The following TTC29 variants were observed in gnomAD, a reference collection of about 807,000 sequenced individuals.
The protein encoded by TTC29 is tetratricopeptide repeat domain 29, also known as tetratricopeptide repeat protein 29.
In TTC29, 49 loss-of-function variants were observed where a neutral mutation model predicts 58.1. That is an observed-to-expected ratio of 0.84 (90% CI 0.67 to 1.07). The LOEUF (loss-of-function observed/expected upper bound fraction) is 1.07. Among genes scored for constraint, TTC29 ranks in the 50% least tolerant of loss-of-function variants. The probability of loss-of-function intolerance (pLI) is 0.00; values close to 1 mark genes in which losing one functional copy is unlikely to be tolerated. For synonymous variants in TTC29, 209 were observed against 196.8 expected, an observed-to-expected ratio of 1.06 and a Z score of -0.52; for missense variants, 582 against 555.6, an observed-to-expected ratio of 1.05 and a Z score of -0.48.
chr4:146,810,715 C>T (rs1037559035), intron 10 of TTC29, among the ~76,000 whole-genome samples: 13 of 151,448 alleles, frequency 8.6e-5, no homozygotes, highest in Non-Finnish European at 1.5e-4. Context: ...CTCAGCCTCC[C>T]GAGTAGCTGG....
intron 11 of TTC29, among the ~76,000 whole-genome samples, chr4:146,710,055 C>T (rs927112221): frequency 2.6e-5 from 4 of 152,112 alleles, no homozygotes; most frequent in African/African-American, 9.7e-5. Flanking sequence ...TTAGTTAAAG[C>T]CATGTGACTA....
chr4:146,754,882 T>G (rs537938594), intron 11 of TTC29, among the ~76,000 whole-genome samples: 2 of 152,056 alleles, frequency 1.3e-5, no homozygotes, highest in African/African-American at 4.8e-5. Flanking sequence ...TTTAACATAG[T>G]ATTGGAAGTA....
intron 11 of TTC29, among the ~76,000 whole-genome samples, chr4:146,762,137 A>G (rs528304744): frequency 6.6e-6 from 1 of 151,734 alleles, no homozygotes; most frequent in Admixed American, 6.6e-5. Context: ...TAGGGCTTTG[A>G]CTGCTTGAAA....
At chr4:146,805,642 T>C (rs1362720940) in intron 10 of TTC29, among the ~76,000 whole-genome samples, 1 of 151,588 alleles carries the variant, frequency 6.6e-6, no homozygotes, top group Non-Finnish European at 1.5e-5. Context: ...ATATCAGGGA[T>C]TGAAGATCAA....
chr4:146,831,700 C>T (rs769207059), intron 9 of TTC29: 7 of 449,330 alleles, frequency 1.6e-5, no homozygotes, highest in African/African-American at 8.0e-5. Flanking sequence ...TTGACTGAAT[C>T]GACCAGGAAT....
At chr4:146,891,890 C>T (rs1732390035) in intron 6 of TTC29, among the ~76,000 whole-genome samples, 2 of 152,106 alleles carry the variant, frequency 1.3e-5, no homozygotes, top group Admixed American at 6.6e-5. Flanking sequence ...TCAAGTGGAA[C>T]TGGGTGAGAG....
At chr4:146,783,368 G>A (rs903890508) in intron 11 of TTC29, among the ~76,000 whole-genome samples, 1 of 150,508 alleles carries the variant, frequency 6.6e-6, no homozygotes, top group Non-Finnish European at 1.5e-5. Flanking sequence ...TGAAAACTTA[G>A]CCTCTATGTA....
chr4:146,856,439 A>C (rs1729860630), intron 8 of TTC29, among the ~76,000 whole-genome samples: 1 of 152,020 alleles, frequency 6.6e-6, no homozygotes, highest in South Asian at 2.1e-4. Context: ...TATTTATATT[A>C]ATTTAGGCCA....
At chr4:146,742,548 C>T (rs1033536286) in intron 11 of TTC29, among the ~76,000 whole-genome samples, 1 of 151,912 alleles carries the variant, frequency 6.6e-6, no homozygotes, top group African/African-American at 2.4e-5. Context: ...TCAGTGTAAA[C>T]TAATCTTCCT....
At chr4:146,836,353 T>C (rs879369335) in intron 8 of TTC29, among the ~76,000 whole-genome samples, 2 of 152,132 alleles carry the variant, frequency 1.3e-5, no homozygotes, top group Admixed American at 6.6e-5. Context: ...TAGTTCATTA[T>C]TGACCAAGTA....
intron 8 of TTC29, among the ~76,000 whole-genome samples, chr4:146,861,071 C>T (rs532826282): frequency 6.6e-6 from 1 of 152,064 alleles, no homozygotes; most frequent in Admixed American, 6.5e-5. Flanking sequence ...GCAAATAATT[C>T]TCTGCCTGTT....
chr4:146,920,822 A>G (rs564414834), intron 4 of TTC29, among the ~76,000 whole-genome samples: 23 of 151,242 alleles, frequency 1.5e-4, no homozygotes, highest in Non-Finnish European at 3.3e-4. Flanking sequence ...GTGAGAAATT[A>G]TATATATTCT....
intron 11 of TTC29, among the ~76,000 whole-genome samples, chr4:146,751,731 C>T (rs1182739488): frequency 6.6e-6 from 1 of 151,938 alleles, no homozygotes; most frequent in Non-Finnish European, 1.5e-5. Context: ...TAGCAATAAA[C>T]ACTTACATTA....
At position 146,707,522 on chromosome 4, in the gene TTC29, C is replaced by G. The variant is rs776538028; in HGVS notation, c.1360G>C (p.Val454Leu). ...EEFRGSTVEA[V>L]SQNSERLEEL... is the part of the protein sequence containing the mutation. ...TCCAAACGTTCTGAGTTTTGAGATA[C>G]AGCTTCCACTGTGGATCCTCTAAAC... Residue 454 changes from valine to leucine, a missense_variant, in exon 12 of 13, where the codon GTA becomes CTA. Physicochemically the swap from Val to Leu is conservative, Grantham distance 32 (BLOSUM62 1). Transcript: ENST00000325106. 6.2e-6 allele frequency: 10 copies of G among 1,608,834 alleles called. No homozygotes were observed. The highest frequency in any genetic ancestry group is 8.5e-6 in the Non-Finnish European group (10 of 1,178,110).
At chr4:146,724,638 C>T (rs780926743) in intron 11 of TTC29, among the ~76,000 whole-genome samples, 3 of 151,852 alleles carry the variant, frequency 2.0e-5, no homozygotes, top group South Asian at 2.1e-4. Context: ...CTCAGCTTCC[C>T]GAGTAGCTGG....
At chr4:146,786,169 A>C (rs1455509793) in intron 11 of TTC29, among the ~76,000 whole-genome samples, 1 of 152,210 alleles carries the variant, frequency 6.6e-6, no homozygotes, top group African/African-American at 2.4e-5. Flanking sequence ...CCACAATTTT[A>C]AAACAAGAAG....
chr4:146,909,304 C>T lies in TTC29; in HGVS notation c.177-55G>A, dbSNP rs201325208. On this transcript the variant is annotated intron_variant, in intron 4 of 12. Coordinates refer to ENST00000325106, the MANE Select transcript of TTC29 (RefSeq NM_031956.4). ...TTTATGTTAATCCTTTCAGTCTGCA[C>T]GGTATTTTCATTCTCTAATAATTAA... is the stretch of plus-strand genomic sequence containing the variant. 406 of 1,332,372 alleles carry T rather than the reference C, an allele frequency of 3.0e-4. No homozygotes were observed. In the African/African-American group the frequency reaches 4.5e-3, roughly 15 times the overall value. The allele number at this position is 1,332,372 out of a possible 1,614,324, so 82.5% of individuals were successfully genotyped here.
intron 4 of TTC29, among the ~76,000 whole-genome samples, chr4:146,921,403 C>G (rs755125902): frequency 2.7e-5 from 4 of 150,872 alleles, no homozygotes; most frequent in Non-Finnish European, 5.9e-5. Context: ...AATAAAAGAG[C>G]CTTGGATTTA....
chr4:146,801,563 A>C (rs1750218151), intron 11 of TTC29, among the ~76,000 whole-genome samples: 1 of 152,160 alleles, frequency 6.6e-6, no homozygotes, highest in Non-Finnish European at 1.5e-5. Flanking sequence ...TAATATCTGA[A>C]TAATATTTTG....
Sources: gnomAD v4.1 joint callset for allele counts (sites outside exome capture counted in the v4.1 genomes callset) on GRCh38, gnomAD v4.1.1 for gene constraint, MANE v1.5 for transcripts, NCBI Gene and HGNC (gene_info 2026-07-23, HGNC 2026-07-21) for gene names.